RUVBL1: variants seen among roughly 807,000 people sequenced by gnomAD.
RUVBL1 encodes ruvB-like 1.
In RUVBL1, 4 loss-of-function variants were observed where a neutral mutation model predicts 52.4. That is an observed-to-expected ratio of 0.08 (90% confidence interval 0.04 to 0.17). The LOEUF (loss-of-function observed/expected upper bound fraction) is 0.17. RUVBL1 is among the 10% of genes least tolerant of loss of function. RUVBL1 has a pLI of 1.00. For missense variants in RUVBL1, 298 were observed against 572.8 expected (o/e 0.52, Z 4.90); for synonymous variants, 217 against 214.4 (o/e 1.01, Z -0.10).
upstream of RUVBL1, among the ~76,000 whole-genome samples, chr3:128,124,158 A>G (rs1464325326): frequency 6.6e-6 from 1 of 152,170 alleles, no homozygotes; most frequent in African/African-American, 2.4e-5. Context: ...TTTTGGAAAC[A>G]GAAGAACTGA....
At chr3:128,152,888 T>A (rs1247329351) in intron 1 of RUVBL1, among the ~76,000 whole-genome samples, 1 of 22,334 alleles carries the variant, frequency 4.5e-5, no homozygotes, top group African/African-American at 1.8e-4. Flanking sequence ...ATTTGCCCCC[T>A]CCCCCACGTC....
chr3:128,065,621 A>G (rs1460912707), intron 9 of RUVBL1, among the ~76,000 whole-genome samples: 3 of 152,162 alleles, frequency 2.0e-5, no homozygotes, highest in African/African-American at 4.8e-5. Context: ...AGGTATTTAT[A>G]CGAGCTACAT....
chr3:128,073,869 CA>C (rs1296006344), intron 9 of RUVBL1, among the ~76,000 whole-genome samples: 5 of 152,208 alleles, frequency 3.3e-5, no homozygotes, highest in African/African-American at 4.8e-5. Flanking sequence ...GAATAAATTA[CA>C]GCAGCTCCTC....
chr3:128,089,422 G>A (rs1213238099), intron 8 of RUVBL1, among the ~76,000 whole-genome samples: 3 of 152,206 alleles, frequency 2.0e-5, no homozygotes, highest in Non-Finnish European at 2.9e-5. Context: ...TTAAACTTGT[G>A]CAGGATTGTA....
At chr3:128,126,858 C>T (rs2811475), upstream of RUVBL1, among the ~76,000 whole-genome samples, 130,965 of 152,214 alleles carry the variant, frequency 0.86, 56,530 homozygotes, top group African/African-American at 0.92. Flanking sequence ...TCTCGTTTTC[C>T]TTCAGGAAAT....
At chr3:128,104,616 C>T (rs115230152) in intron 4 of RUVBL1, among the ~76,000 whole-genome samples, 157 bp downstream of exon 4, 1,958 of 152,244 alleles carry the variant, frequency 0.013, 44 homozygotes, top group African/African-American at 0.045. Context: ...TGCTAGGTAC[C>T]GCTTTATACA....
chr3:128,131,242 C>T (rs1212383600), intron 1 of RUVBL1, among the ~76,000 whole-genome samples: 1 of 152,168 alleles, frequency 6.6e-6, no homozygotes, highest in African/African-American at 2.4e-5. Flanking sequence ...TGGTTCATAC[C>T]TGTAATCCCA....
At chr3:128,066,391 TGGG>T (rs1941978749) in intron 9 of RUVBL1, among the ~76,000 whole-genome samples, 1 of 150,574 alleles carries the variant, frequency 6.6e-6, no homozygotes, top group Admixed American at 6.6e-5. Flanking sequence ...AAAAAAAAAG[TGGG>T]GGTGGGGATC....
At chr3:128,133,883 T>A (rs552103902) in intron 1 of RUVBL1, among the ~76,000 whole-genome samples, 1 of 152,238 alleles carries the variant, frequency 6.6e-6, no homozygotes, top group African/African-American at 2.4e-5. Context: ...CGTGAAAACA[T>A]GACCTCACCA....
downstream of RUVBL1, among the ~76,000 whole-genome samples, chr3:128,077,286 G>A (rs556254781): frequency 1.5e-3 from 224 of 152,184 alleles, 1 homozygote; most frequent in African/African-American, 5.3e-3. Context: ...GCCCTGCTGC[G>A]TGGCCCGCCC....
At chr3:128,065,943 C>T (rs918533352) in intron 9 of RUVBL1, among the ~76,000 whole-genome samples, 1 of 151,688 alleles carries the variant, frequency 6.6e-6, no homozygotes, top group Admixed American at 6.6e-5. Context: ...AGGGTTTCAC[C>T]GTGTTAGCCA....
intron 9 of RUVBL1, chr3:128,066,847 G>T: frequency 9.4e-7 from 1 of 1,059,682 alleles, no homozygotes. Flanking sequence ...CAGCACACAG[G>T]ATTTCCTCCC....
Position 128,082,740 on chromosome 3 carries a change from G to A in RUVBL1, c.1120-166C>T, listed in dbSNP as rs952397469. 38 of 587,280 alleles carry A rather than the reference G, an allele frequency of 6.5e-5. No individual in the cohort carries two copies. The highest frequency in any genetic ancestry group is 7.5e-5 in the Non-Finnish European group (25 of 332,068). 36.4% of individuals were successfully genotyped at this position (587,280 alleles called of 1,614,324 possible). ...AACGCCTGCCCAGCACTGCCGGCCC[G>A]GCACCCTCCAGGAGGCATGTGCGGC... On this transcript the variant is annotated intron_variant, in intron 9 of 10. Transcript: ENST00000322623. The surrounding 1 kb of genome is among the most constrained non-coding windows in gnomAD (Gnocchi z 4.7).
intron 8 of RUVBL1, among the ~76,000 whole-genome samples, chr3:128,089,137 T>C (rs568172530): frequency 2.0e-5 from 3 of 152,384 alleles, no homozygotes; most frequent in African/African-American, 7.2e-5. Flanking sequence ...AATGAGGCAT[T>C]TGAATGTATT....
intron 2 of RUVBL1, among the ~76,000 whole-genome samples, chr3:128,114,497 T>G (rs1309670754): frequency 6.6e-6 from 1 of 152,192 alleles, no homozygotes; most frequent in Non-Finnish European, 1.5e-5. Flanking sequence ...TTTCCTCATC[T>G]GTCAAATGAA....
intron 1 of RUVBL1, among the ~76,000 whole-genome samples, chr3:128,119,782 G>A (rs1221407153): frequency 6.6e-6 from 1 of 152,166 alleles, no homozygotes; most frequent in Non-Finnish European, 1.5e-5. Context: ...AGCGTTCCAG[G>A]CAAAGAAAAC....
At chr3:128,091,305 G>A (rs991501832) in intron 8 of RUVBL1, among the ~76,000 whole-genome samples, 5 of 152,038 alleles carry the variant, frequency 3.3e-5, no homozygotes, top group South Asian at 2.1e-4. Flanking sequence ...GGGGGAACGG[G>A]GGGTGGGGAG....
Position 128,087,659 on chromosome 3 carries a change from T to C in RUVBL1, c.1119+47A>G. The stretch of plus-strand genomic sequence containing the variant: ...TTTCTGCACAGCCACCAGTGAACAC[T>C]GGGAGCAAATGAGAGAAGAGAGCAG... On this transcript the variant is annotated intron_variant, in intron 9 of 10. Coordinates refer to ENST00000322623, the MANE Select transcript of RUVBL1 (RefSeq NM_003707.3). 3.4e-6 allele frequency: 5 copies of C among 1,485,142 alleles called. No homozygotes were observed. In the South Asian group the frequency reaches 5.8e-5, roughly 17 times the overall value. 92.0% of individuals were successfully genotyped at this position (1,485,142 alleles called of 1,614,324 possible).
chr3:128,080,290 C>T (rs1942433526), downstream of RUVBL1, among the ~76,000 whole-genome samples: 1 of 152,226 alleles, frequency 6.6e-6, no homozygotes, highest in Non-Finnish European at 1.5e-5. Flanking sequence ...CATTCTGATA[C>T]AATCTTCCAT....
Sources: gnomAD v4.1 joint callset for allele counts (sites outside exome capture counted in the v4.1 genomes callset) on GRCh38, gnomAD v4.1.1 for gene constraint, Gnocchi (gnomAD v3.1) non-coding constraint, MANE v1.5 for transcripts, NCBI Gene and HGNC (gene_info 2026-07-23, HGNC 2026-07-21) for gene names.